RIC8B: variants seen among roughly 807,000 people sequenced by gnomAD.
The protein encoded by RIC8B is chaperone Ric-8B.
In RIC8B, 16 loss-of-function variants were observed where a neutral mutation model predicts 57.5. That is an observed-to-expected ratio of 0.28 (90% CI 0.19 to 0.42). The LOEUF is 0.42. Ranked by LOEUF, RIC8B falls within the 10% of genes least tolerant of loss-of-function variation. The pLI is 1.00. For missense variants in RIC8B, 481 were observed against 677.0 expected (o/e 0.71, Z 3.21); for synonymous variants, 216 against 250.8 (o/e 0.86, Z 1.31).
intron 7 of RIC8B, among the ~76,000 whole-genome samples, chr12:106,852,941 A>C (rs987923929): frequency 1.3e-5 from 2 of 152,230 alleles, no homozygotes; most frequent in Non-Finnish European, 2.9e-5. Flanking sequence ...TGTTTTTTAA[A>C]GTGTAATTAT....
intron 4 of RIC8B, among the ~76,000 whole-genome samples, chr12:106,826,873 A>T (rs2046129190): frequency 6.6e-6 from 1 of 152,206 alleles, no homozygotes; most frequent in Non-Finnish European, 1.5e-5. Flanking sequence ...AGATCACTTG[A>T]GTTGAGCCTG....
intron 2 of RIC8B, among the ~76,000 whole-genome samples, chr12:106,814,375 C>A (rs546237878): frequency 1.3e-5 from 2 of 152,256 alleles, no homozygotes; most frequent in Admixed American, 6.5e-5. Flanking sequence ...AATTCAGAAG[C>A]AATAGCATGA....
chr12:106,834,800 G>A (rs1157259937), intron 4 of RIC8B, among the ~76,000 whole-genome samples: 1 of 151,632 alleles, frequency 6.6e-6, no homozygotes, highest in African/African-American at 2.4e-5. Flanking sequence ...TGGCTAACAC[G>A]GTGAAACCCC....
chr12:106,851,571 T>A lies in RIC8B; in HGVS notation c.1283T>A (p.Leu428His). 2 of 1,612,530 alleles carry A rather than the reference T, an allele frequency of 1.2e-6. No homozygotes were observed. Among genetic ancestry groups the A allele is most frequent in the African/African-American group, 2.7e-5 (2 of 74,992 alleles). ...LGVKQIAAEF[L>H]FVLCKERVDS... ...GTCAAGCAAATTGCTGCTGAATTCC[T>A]TTTTGTCCTTTGCAAAGAGAGAGGT... is the stretch of plus-strand genomic sequence containing the variant. The change falls in exon 7 of 10, where the codon CTT becomes CAT. Residue 428 changes from leucine to histidine, a missense_variant. Physicochemically the swap from Leu to His is moderately conservative, Grantham distance 99 (BLOSUM62 -3). Transcript: ENST00000392837.
chr12:106,774,869 C>T (rs1228179799), intron 1 of RIC8B, 40 bp downstream of exon 1: 2 of 1,461,278 alleles, frequency 1.4e-6, no homozygotes, highest in Non-Finnish European at 9.3e-7. Context: ...ATCGCACCCC[C>T]GGGCCGCCCT....
At chr12:106,883,402 CGTT>C (rs1243636415) in intron 9 of RIC8B, among the ~76,000 whole-genome samples, 4 of 152,082 alleles carry the variant, frequency 2.6e-5, no homozygotes, top group South Asian at 4.1e-4. Flanking sequence ...TTAATGGAAA[CGTT>C]GTTTCTAGCT....
At chr12:106,862,236 A>G (rs529962767) in intron 8 of RIC8B, among the ~76,000 whole-genome samples, 2 of 152,176 alleles carry the variant, frequency 1.3e-5, no homozygotes, top group African/African-American at 4.8e-5. Flanking sequence ...TCATTGTGAA[A>G]TTTTGTTGTA....
At chr12:106,797,417 G>T (rs1436748747) in intron 2 of RIC8B, among the ~76,000 whole-genome samples, 1 of 152,180 alleles carries the variant, frequency 6.6e-6, no homozygotes, top group African/African-American at 2.4e-5. Flanking sequence ...CAGATTGTAT[G>T]ATTTTATTAA....
chr12:106,845,994 G>A (rs892276476), intron 6 of RIC8B, among the ~76,000 whole-genome samples: 7 of 151,966 alleles, frequency 4.6e-5, no homozygotes, highest in African/African-American at 1.2e-4. Flanking sequence ...GATCTTCCTC[G>A]TTTTCCTAAC....
In RIC8B at chr12:106,814,852, A is replaced by G; in HGVS notation, c.289A>G (p.Lys97Glu). 6.2e-7 allele frequency: 1 copy of G among 1,614,224 alleles called. No individual in the cohort carries two copies. Among genetic ancestry groups the G allele is most frequent in the Non-Finnish European group, 8.5e-7 (1 of 1,180,026 alleles). ...ENMQILLRLA[K>E]LNELDDSLEK... Reference sequence around the variant, plus strand: ...TATGCAGATACTGCTGCGACTAGCCAAGCTAAATGAGTTAGATGATTCTTT... The same window carrying G: ...TATGCAGATACTGCTGCGACTAGCCGAGCTAAATGAGTTAGATGATTCTTT... Residue 97 changes from lysine (K) to glutamate (E), a missense_variant, in exon 3 of 10, where the codon AAG becomes GAG. Lys to Glu is a moderately conservative substitution (Grantham distance 56). Transcript: ENST00000392837.
intron 9 of RIC8B, among the ~76,000 whole-genome samples, chr12:106,872,075 C>G (rs1950455673): frequency 6.6e-6 from 1 of 152,180 alleles, no homozygotes; most frequent in Non-Finnish European, 1.5e-5. Context: ...TTCCAGCTAG[C>G]CCTTTTAAAT....
intron 1 of RIC8B, among the ~76,000 whole-genome samples, chr12:106,776,591 C>T (rs1430914995): frequency 6.6e-6 from 1 of 152,182 alleles, no homozygotes; most frequent in Non-Finnish European, 1.5e-5. Flanking sequence ...TAATTAGACT[C>T]CAGATTTGCT....
intron 6 of RIC8B, among the ~76,000 whole-genome samples, chr12:106,844,603 G>A (rs1949103774): frequency 6.6e-6 from 1 of 152,148 alleles, no homozygotes; most frequent in South Asian, 2.1e-4. Flanking sequence ...TGTTTTAAGA[G>A]GGGAAGTGAT....
intron 4 of RIC8B, among the ~76,000 whole-genome samples, chr12:106,834,227 T>A (rs1236466312): frequency 1.3e-5 from 2 of 152,238 alleles, no homozygotes. Context: ...TCTTGTCAGA[T>A]CTGTTTGGAT....
intron 7 of RIC8B, among the ~76,000 whole-genome samples, chr12:106,853,167 T>A (rs1357884249): frequency 6.6e-6 from 1 of 152,048 alleles, no homozygotes; most frequent in Non-Finnish European, 1.5e-5. Context: ...AGTTTATTTC[T>A]CCTGTAATTA....
intron 1 of RIC8B, among the ~76,000 whole-genome samples, chr12:106,781,750 T>A (rs912820438): frequency 2.0e-5 from 3 of 152,192 alleles, no homozygotes; most frequent in Non-Finnish European, 4.4e-5. Flanking sequence ...AAAAAAAGTT[T>A]AGAAGAAACG....
At position 106,825,834 on chromosome 12, in the gene RIC8B, G is replaced by T. The variant is rs189038498; in HGVS notation, c.836+14G>T. On this transcript the variant is annotated intron_variant, in intron 4 of 9. Coordinates refer to ENST00000392837, the MANE Select transcript of RIC8B (RefSeq NM_001330145.2). ...AGAGCTACACAGGTGGGTAAGCTCT[G>T]TATTGATATCCCAATGAAGGACATC... 1.3e-6 allele frequency: 2 copies of T among 1,530,862 alleles called. No individual in the cohort carries two copies. The highest frequency in any genetic ancestry group is 1.7e-5 in the Admixed American group (1 of 59,888). The allele number at this position is 1,530,862 out of a possible 1,614,324, so 94.8% of individuals were successfully genotyped here.
chr12:106,805,673 A>C (rs2044979356), intron 2 of RIC8B, among the ~76,000 whole-genome samples: 1 of 152,144 alleles, frequency 6.6e-6, no homozygotes, highest in Non-Finnish European at 1.5e-5. Context: ...AATATTTCCA[A>C]AATACAAATC....
At chr12:106,832,120 T>A (rs1244819694) in intron 4 of RIC8B, among the ~76,000 whole-genome samples, 1 of 152,152 alleles carries the variant, frequency 6.6e-6, no homozygotes, top group African/African-American at 2.4e-5. Context: ...ACTTCCTCAG[T>A]TAGGCCTTCC....
Sources: gnomAD v4.1 joint callset for allele counts (sites outside exome capture counted in the v4.1 genomes callset) on GRCh38, gnomAD v4.1.1 for gene constraint, MANE v1.5 for transcripts, NCBI Gene and HGNC (gene_info 2026-07-23, HGNC 2026-07-21) for gene names.